ADGRD1: variants seen among roughly 807,000 people sequenced by gnomAD.
ADGRD1 encodes adhesion G protein-coupled receptor D1, also known as G-protein coupled receptor 133.
In ADGRD1, 77 loss-of-function variants were observed where a neutral mutation model predicts 113.4. The observed-to-expected ratio is 0.68, with a 90% CI of 0.57 to 0.82. ADGRD1 has a LOEUF of 0.82. ADGRD1 is among the 40% of genes least tolerant of loss of function. The pLI, the probability that ADGRD1 is intolerant of heterozygous loss-of-function variation, is 0.00. For missense variants in ADGRD1, 1,036 were observed against 1,139.1 expected (o/e 0.91, Z 1.30); for synonymous variants, 474 against 475.0 (o/e 1.00, Z 0.03).
chr12:131,093,974 G>GAGCACCCAGCCTC (rs1342697116), intron 15 of ADGRD1, among the ~76,000 whole-genome samples: 49,684 of 140,106 alleles, frequency 0.35, 9,979 homozygotes, highest in East Asian at 0.62. Context: ...ACCCAGCCCT[G>GAGCACCCAGCCTC]AGCACCCAGC....
chr12:130,991,988 G>A (rs1320399102), intron 7 of ADGRD1, among the ~76,000 whole-genome samples: 2 of 152,170 alleles, frequency 1.3e-5, no homozygotes, highest in East Asian at 3.9e-4. Context: ...AGGCATGGTG[G>A]TGCACGCCTG....
chr12:130,991,173 C>G lies in ADGRD1; in HGVS notation c.810+95C>G, dbSNP rs969668060. ...GAAAATTCCATTAGGTGTCTGGGCT[C>G]TCTGTTATCGGCAGTACATTGTCTG... On this transcript the variant is annotated intron_variant, in intron 7 of 24. Coordinates refer to ENST00000261654, the MANE Select transcript of ADGRD1 (RefSeq NM_198827.5). The G allele has an allele frequency of 1.4e-5, 13 of 959,752 alleles. No homozygotes were observed. In the East Asian group the frequency reaches 3.1e-4, roughly 23 times the overall value. 59.5% of individuals were successfully genotyped at this position (959,752 alleles called of 1,614,324 possible). A position where few individuals can be genotyped will look rare whatever the true frequency, so the allele number is the denominator to read the frequency against.
At chr12:131,067,067 T>C (rs1033139976) in intron 13 of ADGRD1, among the ~76,000 whole-genome samples, 2 of 151,842 alleles carry the variant, frequency 1.3e-5, no homozygotes, top group African/African-American at 4.8e-5. Context: ...GGATGTTAGC[T>C]TCAGGTCTGC....
At chr12:131,010,258 C>T (rs538295788) in intron 12 of ADGRD1, among the ~76,000 whole-genome samples, 49 of 152,232 alleles carry the variant, frequency 3.2e-4, no homozygotes, top group South Asian at 1.5e-3. Flanking sequence ...GTTGAATTCT[C>T]GCGCTGAGGG....
rs560467710 is a variant in ADGRD1 at position 131,133,826 on chromosome 12, G to A, written c.2267+2010G>A. Among the ~76,000 whole-genome samples the A allele has an allele frequency of 2.8e-4, 42 of 152,334 alleles. 1 individual carries two copies. The highest frequency in any genetic ancestry group is 9.9e-4 in the African/African-American group (41 of 41,582). ...GGCAGGAAGAGGCAGTCACTGCATC[G>A]TGAGGAAGCTTCCCCAGCACCTTGC... On this transcript the variant is annotated intron_variant, in intron 21 of 24. Coordinates refer to ENST00000261654, the MANE Select transcript of ADGRD1 (RefSeq NM_198827.5).
At chr12:131,130,241 T>A (rs55928562) in intron 20 of ADGRD1, among the ~76,000 whole-genome samples, 21,527 of 152,218 alleles carry the variant, frequency 0.14, 2,055 homozygotes, top group African/African-American at 0.28. Flanking sequence ...ACACTTCTGT[T>A]ATTAGCCTCA....
At chr12:131,074,224 T>C (rs1459566017) in intron 13 of ADGRD1, among the ~76,000 whole-genome samples, 1 of 151,984 alleles carries the variant, frequency 6.6e-6, no homozygotes, top group Non-Finnish European at 1.5e-5. Flanking sequence ...ACATCTCAGA[T>C]CCTGTGGGAG....
chr12:131,046,801 C>T (rs1321515397), intron 13 of ADGRD1, among the ~76,000 whole-genome samples: 1 of 134,632 alleles, frequency 7.4e-6, no homozygotes, highest in East Asian at 2.4e-4. Flanking sequence ...TGGTCAGTGT[C>T]CTCCCTGGGC....
intron 13 of ADGRD1, among the ~76,000 whole-genome samples, chr12:131,045,505 A>ACCCCCCCCC (rs35800678): frequency 5.5e-5 from 8 of 146,352 alleles, no homozygotes; most frequent in South Asian, 4.4e-4. Flanking sequence ...CTGTACAGGG[A>ACCCCCCCCC]CCCCCCCCCA....
Position 131,041,679 on chromosome 12 carries a change from C to A in ADGRD1, c.1473+27339C>A, listed in dbSNP as rs1054742244. On this transcript the variant is annotated intron_variant, in intron 13 of 24. Coordinates refer to ENST00000261654, the MANE Select transcript of ADGRD1 (RefSeq NM_198827.5). This position sits in a 1 kb window ranked among gnomAD's most constrained non-coding sequence, Gnocchi z 4.4. ...GCCATCCACTCAGGGACACCAGGTG[C>A]CAGAGTGGACATGTCATGCATGAAT... 6.6e-6 allele frequency among the ~76,000 whole-genome samples: 1 copy of A among 152,176 alleles called. No homozygotes were observed. The highest frequency in any genetic ancestry group is 1.5e-5 in the Non-Finnish European group (1 of 68,028).
Position 130,954,290 on chromosome 12 carries a change from AAC to A in ADGRD1, c.-173_-172del. 1 of 528,670 alleles carries A rather than the reference AAC, an allele frequency of 1.9e-6. No individual in the cohort carries two copies. Among genetic ancestry groups the A allele is most frequent in the Admixed American group, 3.6e-5 (1 of 28,030 alleles). The allele number at this position is 528,670 out of a possible 1,614,324, so 32.7% of individuals were successfully genotyped here. On this transcript the variant is annotated 5_prime_UTR_variant, in exon 1 of 25. Transcript: ENST00000261654. The surrounding 1 kb of genome is among the most constrained non-coding windows in gnomAD (Gnocchi z 4.7). ...ATCTCAAGTTTTGAGACGAGGAAGA[AAC>A]ACCCATTAGGTCTCCAAGACAGCTG...
At chr12:131,135,943 G>C in intron 21 of ADGRD1, 94 bp from the exon 22 acceptor site, 1 of 1,393,302 alleles carries the variant, frequency 7.2e-7, no homozygotes, top group Non-Finnish European at 1.0e-6. Flanking sequence ...GGCGGTGCCT[G>C]CACCCATCTG....
At position 131,057,905 on chromosome 12, in the gene ADGRD1, G is replaced by A. The variant is rs577813090; in HGVS notation, c.1474-18896G>A. On this transcript the variant is annotated intron_variant, in intron 13 of 24. Coordinates refer to ENST00000261654, the MANE Select transcript of ADGRD1 (RefSeq NM_198827.5). The surrounding 1 kb of genome is among the most constrained non-coding windows in gnomAD (Gnocchi z 4.2). Reference sequence around the variant, plus strand: ...CATGTGCTTTCCTGCAGGACTGACCGCAGCCGTCTTCGTGCTCATCTCGCT... The same window carrying A: ...CATGTGCTTTCCTGCAGGACTGACCACAGCCGTCTTCGTGCTCATCTCGCT... Among the ~76,000 whole-genome samples, 73 of 152,240 alleles carry A rather than the reference G, an allele frequency of 4.8e-4. No homozygotes were observed. Among genetic ancestry groups the A allele is most frequent in the Non-Finnish European group, 4.6e-4 (31 of 68,018 alleles).
intron 4 of ADGRD1, chr12:130,981,411 G>C (rs12821379): frequency 0.13 from 20,265 of 152,574 alleles, 1,538 homozygotes; most frequent in Non-Finnish European, 0.15. Context: ...GAGATGGTTC[G>C]TGTCTTTGTA....
chr12:130,954,386 G>T lies in ADGRD1; in HGVS notation c.-80G>T. The T allele has an allele frequency of 8.1e-7, 1 of 1,237,174 alleles. No individual in the cohort carries two copies. Among genetic ancestry groups the T allele is most frequent in the Non-Finnish European group, 1.1e-6 (1 of 890,592 alleles). The allele number at this position is 1,237,174 out of a possible 1,614,324, so 76.6% of individuals were successfully genotyped here. On this transcript the variant is annotated 5_prime_UTR_variant, in exon 1 of 25. Coordinates refer to ENST00000261654, the MANE Select transcript of ADGRD1 (RefSeq NM_198827.5). The surrounding 1 kb of genome is among the most constrained non-coding windows in gnomAD (Gnocchi z 4.7). ...CCTGTGAAAATGTCCCTTTTCCAAGGAAGTGAAGGTTAAGAGGTCCCGTTC... is the reference window on the plus strand; with the variant it reads ...CCTGTGAAAATGTCCCTTTTCCAAGTAAGTGAAGGTTAAGAGGTCCCGTTC...
chr12:131,006,012 CT>C lies in ADGRD1; in HGVS notation c.1297del (p.Tyr433ThrfsTer3), dbSNP rs1469181484. ...VVGLLYHSMH[Y>X]YLNNIWPAHT... ...TGGGTCTGCTGTACCACAGCATGCA[CT>C]ACTACCTGAACAACATCTGGCCCGC... On this transcript the variant is annotated frameshift_variant, in exon 12 of 25. Transcript: ENST00000261654. LOFTEE classifies it high-confidence loss of function. The C allele has an allele frequency of 1.2e-6, 2 of 1,612,598 alleles. No homozygotes were observed. The highest frequency in any genetic ancestry group is 1.3e-5 in the African/African-American group (1 of 74,906).
chr12:131,005,997 G>A lies in ADGRD1; in HGVS notation c.1281G>A (p.Leu427=), dbSNP rs1365452471. The part of the protein sequence containing the change: ...RHAWSTVVGL[L]YHSMHYYLNN... The stretch of plus-strand genomic sequence containing the variant: ...CCTGGAGCACCGTCGTGGGTCTGCT[G>A]TACCACAGCATGCACTACTACCTGA... Residue 427 remains leucine (L), a synonymous_variant, in exon 12 of 25, where the codon CTG becomes CTA. Coordinates refer to ENST00000261654, the MANE Select transcript of ADGRD1 (RefSeq NM_198827.5). 2 of 1,612,162 alleles carry A rather than the reference G, an allele frequency of 1.2e-6. No individual in the cohort carries two copies. The highest frequency in any genetic ancestry group is 1.7e-6 in the Non-Finnish European group (2 of 1,180,002).
Position 131,036,719 on chromosome 12 carries a change from CGGGCCTCACTCACTGCATG to C in ADGRD1, c.1473+22397_1473+22415del, listed in dbSNP as rs1288439824. 5.0e-3 allele frequency among the ~76,000 whole-genome samples: 631 copies of C among 127,232 alleles called. 13 individuals carry two copies. The highest frequency in any genetic ancestry group is 0.012 in the Middle Eastern group (2 of 172). The allele number at this position is 127,232 out of a possible 152,430, so 83.5% of individuals were successfully genotyped here. On this transcript the variant is annotated intron_variant, in intron 13 of 24. Coordinates refer to ENST00000261654, the MANE Select transcript of ADGRD1 (RefSeq NM_198827.5). ...CTGCACCGGGCCTCACTCACCGCACCGGGCCTCACTCACTGCATGGGGCCTCACTCACTGCACCGGGCCT... is the reference window on the plus strand; with the variant it reads ...CTGCACCGGGCCTCACTCACCGCACCGGGCCTCACTCACTGCACCGGGCCT...
At chr12:131,068,676 C>T (rs1453442846) in intron 13 of ADGRD1, among the ~76,000 whole-genome samples, 1 of 152,156 alleles carries the variant, frequency 6.6e-6, no homozygotes, top group African/African-American at 2.4e-5. Flanking sequence ...TGTAAGTCAT[C>T]CAAAATTCTT....
Sources: allele counts gnomAD v4.1 joint callset (sites outside exome capture counted in the v4.1 genomes callset), GRCh38; gene constraint gnomAD v4.1.1; non-coding constraint Gnocchi (gnomAD v3.1); transcripts MANE v1.5; gene names NCBI Gene and HGNC (gene_info 2026-07-23, HGNC 2026-07-21).